The following ETV6 variants were observed in gnomAD, a reference collection of about 807,000 sequenced individuals.
The protein encoded by ETV6 is ETS variant transcription factor 6.
ETV6 carries 16 observed loss-of-function variants against 51.1 expected under a neutral mutation model. The ratio of observed to expected loss-of-function variants is 0.31; its 90% CI spans 0.21 to 0.48. ETV6 has a LOEUF of 0.48. Among genes scored for constraint, ETV6 ranks in the 20% least tolerant of loss-of-function variants. The probability of loss-of-function intolerance (pLI) is 0.99; values close to 1 mark genes in which losing one functional copy is unlikely to be tolerated. For synonymous variants in ETV6, 240 were observed against 224.1 expected (o/e 1.07, Z -0.64); for missense variants, 458 against 594.8 (o/e 0.77, Z 2.39).
At chr12:11,677,964 A>G (rs546745819) in intron 1 of ETV6, among the ~76,000 whole-genome samples, 1 of 151,802 alleles carries the variant, frequency 6.6e-6, no homozygotes, top group Non-Finnish European at 1.5e-5. Context: ...TGGACACTTC[A>G]CTCCGTGCTG....
chr12:11,846,526 A>G (rs559411720), intron 3 of ETV6, among the ~76,000 whole-genome samples: 2 of 152,332 alleles, frequency 1.3e-5, no homozygotes, highest in African/African-American at 4.8e-5. Flanking sequence ...GTATAATAAG[A>G]ACGTTTAAAC....
intron 1 of ETV6, among the ~76,000 whole-genome samples, chr12:11,745,668 A>G (rs1863164806): frequency 6.6e-6 from 1 of 152,036 alleles, no homozygotes; most frequent in African/African-American, 2.4e-5. Context: ...TCTGCCCACT[A>G]TAGGCACCAA....
chr12:11,719,332 T>C (rs1451217609), intron 1 of ETV6, among the ~76,000 whole-genome samples: 1 of 152,244 alleles, frequency 6.6e-6, no homozygotes, highest in Non-Finnish European at 1.5e-5. Flanking sequence ...TTGGGCAATC[T>C]CATGCATATT....
At chr12:11,769,513 G>T (rs1945210355) in intron 2 of ETV6, among the ~76,000 whole-genome samples, 1 of 152,108 alleles carries the variant, frequency 6.6e-6, no homozygotes, top group African/African-American at 2.4e-5. Flanking sequence ...TTTGGCACGT[G>T]TAGCAAAATA....
chr12:11,708,616 G>T (rs1865115454), intron 1 of ETV6, among the ~76,000 whole-genome samples: 1 of 152,150 alleles, frequency 6.6e-6, no homozygotes. Flanking sequence ...TATCATGGGG[G>T]ATGGACATTG....
intron 1 of ETV6, among the ~76,000 whole-genome samples, chr12:11,738,202 CTCCTTCCT>C (rs765496311): frequency 2.5e-4 from 37 of 148,334 alleles, no homozygotes; most frequent in African/African-American, 8.8e-4. Context: ...TGCTTGCTTT[CTCCTTCCT>C]TCCTTCCTTC....
chr12:11,840,640 C>T, intron 3 of ETV6: 1 of 381,946 alleles, frequency 2.6e-6, no homozygotes, highest in Admixed American at 3.1e-5. Context: ...ACCCGTATCT[C>T]CACTGTTCTT....
chr12:11,665,242 G>A (rs563697904), intron 1 of ETV6, among the ~76,000 whole-genome samples: 16 of 152,122 alleles, frequency 1.1e-4, no homozygotes, highest in South Asian at 2.1e-4. Flanking sequence ...CAAGTGATCC[G>A]CCCAACTCGG....
At chr12:11,677,765 T>C (rs1864448579) in intron 1 of ETV6, among the ~76,000 whole-genome samples, 1 of 152,222 alleles carries the variant, frequency 6.6e-6, no homozygotes, top group Admixed American at 6.5e-5. Context: ...AACTTCCCAT[T>C]GCTTAACCGT....
At chr12:11,687,155 G>A (rs1324025290) in intron 1 of ETV6, among the ~76,000 whole-genome samples, 2 of 151,612 alleles carry the variant, frequency 1.3e-5, no homozygotes, top group Admixed American at 1.3e-4. Context: ...CCAAAGTGGT[G>A]GGATTTAAAG....
At chr12:11,807,164 G>C (rs1037308926) in intron 2 of ETV6, among the ~76,000 whole-genome samples, 1 of 152,220 alleles carries the variant, frequency 6.6e-6, no homozygotes, top group Non-Finnish European at 1.5e-5. Flanking sequence ...GATTGATTGT[G>C]ATCGGATGTA....
intron 4 of ETV6, among the ~76,000 whole-genome samples, chr12:11,857,199 T>C (rs553546045): frequency 6.6e-6 from 1 of 152,368 alleles, no homozygotes; most frequent in Admixed American, 6.5e-5. Context: ...TGTGTCTTGC[T>C]CAATCTAGCA....
intron 2 of ETV6, among the ~76,000 whole-genome samples, chr12:11,766,393 C>G (rs1348428089): frequency 1.3e-5 from 2 of 152,202 alleles, no homozygotes; most frequent in Non-Finnish European, 2.9e-5. Flanking sequence ...TTCAAAACAG[C>G]TATTGAGAGT....
Position 11,823,469 on chromosome 12 carries a change from C to CTTTTT in ETV6, c.164-15660_164-15656dup, listed in dbSNP as rs756553588. 8.0e-5 allele frequency among the ~76,000 whole-genome samples: 11 copies of CTTTTT among 137,556 alleles called. 1 individual carries two copies. Among genetic ancestry groups the CTTTTT allele is most frequent in the African/African-American group, 3.0e-4 (11 of 36,938 alleles). The allele number at this position is 137,556 out of a possible 152,430, so 90.2% of individuals were successfully genotyped here. A position where few individuals can be genotyped will look rare whatever the true frequency, so the allele number is the denominator to read the frequency against. On this transcript the variant is annotated intron_variant, in intron 2 of 7. Transcript: ENST00000396373. ...ATCCCCACTAGAGAGTCCTTTTTTT[C>CTTTTT]TTTTTTTTTTTTTTTGAGTTGGAGT...
chr12:11,772,722 A>G (rs900500753), intron 2 of ETV6, among the ~76,000 whole-genome samples: 4 of 152,168 alleles, frequency 2.6e-5, no homozygotes, highest in Admixed American at 2.0e-4. Context: ...TAAAAGAACA[A>G]CTAAGAATGG....
chr12:11,892,534 A>C lies in ETV6; in HGVS notation c.*1488A>C, dbSNP rs775791725. The C allele has an allele frequency of 2.2e-5, 5 of 231,972 alleles. No individual in the cohort carries two copies. In the East Asian group the frequency reaches 3.0e-4, roughly 14 times the overall value. The allele number at this position is 231,972 out of a possible 1,614,324, so 14.4% of individuals were successfully genotyped here. A position where few individuals can be genotyped will look rare whatever the true frequency, so the allele number is the denominator to read the frequency against. The stretch of plus-strand genomic sequence containing the variant: ...TTTTTTTTTCCTTTTCTAGCCATCT[A>C]AATTGACTCTTCCAATATAGGTCTC... On this transcript the variant is annotated 3_prime_UTR_variant, in exon 8 of 8. Coordinates refer to ENST00000396373, the MANE Select transcript of ETV6 (RefSeq NM_001987.5).
intron 5 of ETV6, among the ~76,000 whole-genome samples, chr12:11,881,458 C>G (rs1947092321): frequency 6.6e-6 from 1 of 152,196 alleles, no homozygotes. Flanking sequence ...ACGGATTGCT[C>G]CACAGTTCTG....
At chr12:11,848,961 G>T (rs886975123) in intron 3 of ETV6, among the ~76,000 whole-genome samples, 3 of 152,118 alleles carry the variant, frequency 2.0e-5, no homozygotes, top group African/African-American at 7.2e-5. Context: ...AAATCAAATG[G>T]GTTAAGAATT....
chr12:11,687,181 C>G (rs868076202), intron 1 of ETV6, among the ~76,000 whole-genome samples: 4 of 149,866 alleles, frequency 2.7e-5, no homozygotes, highest in Middle Eastern at 3.4e-3. Flanking sequence ...AGCCACTGCC[C>G]CCCACCCCAC....
Sources: gnomAD v4.1 joint callset for allele counts (sites outside exome capture counted in the v4.1 genomes callset) on GRCh38, gnomAD v4.1.1 for gene constraint, MANE v1.5 for transcripts, NCBI Gene and HGNC (gene_info 2026-07-23, HGNC 2026-07-21) for gene names.